DGKB: variants seen among roughly 807,000 people sequenced by gnomAD.
DGKB encodes 90 kDa diacylglycerol kinase.
In DGKB, 67 loss-of-function variants were observed where a neutral mutation model predicts 114.3. The ratio of observed to expected loss-of-function variants is 0.59; its 90% CI spans 0.48 to 0.72. The LOEUF (loss-of-function observed/expected upper bound fraction) is 0.72, where lower values mean the gene tolerates loss of function less well. Ranked by LOEUF, DGKB falls within the 30% of genes least tolerant of loss-of-function variation. The probability of loss-of-function intolerance (pLI) is 0.00; values close to 1 mark genes in which losing one functional copy is unlikely to be tolerated. For synonymous variants in DGKB, 398 were observed against 323.1 expected, an observed-to-expected ratio of 1.23 and a Z score of -2.49; for missense variants, 907 against 975.2, an observed-to-expected ratio of 0.93 and a Z score of 0.93.
intron 17 of DGKB, among the ~76,000 whole-genome samples, chr7:14,591,327 G>A (rs930004935): frequency 3.3e-5 from 5 of 152,104 alleles, no homozygotes; most frequent in African/African-American, 1.2e-4. Context: ...ATTTTGCAAT[G>A]AAATCATGCT....
intron 23 of DGKB, among the ~76,000 whole-genome samples, chr7:14,289,417 A>C (rs1250868840): frequency 6.6e-6 from 1 of 152,204 alleles, no homozygotes; most frequent in Non-Finnish European, 1.5e-5. Flanking sequence ...TTTCTGAACA[A>C]TAATAACATA....
intron 20 of DGKB, among the ~76,000 whole-genome samples, chr7:14,569,245 C>T (rs1798024759): frequency 6.6e-6 from 1 of 152,008 alleles, no homozygotes; most frequent in Non-Finnish European, 1.5e-5. Context: ...TCTCTTTATC[C>T]CCCTAATCCC....
intron 20 of DGKB, among the ~76,000 whole-genome samples, chr7:14,534,728 G>T (rs1792145696): frequency 6.6e-6 from 1 of 152,008 alleles, no homozygotes; most frequent in African/African-American, 2.4e-5. Context: ...AAATACAAGA[G>T]ACAAAAAGTA....
chr7:14,656,545 T>C (rs1014539755), intron 13 of DGKB, among the ~76,000 whole-genome samples: 89 of 151,616 alleles, frequency 5.9e-4, no homozygotes, highest in African/African-American at 2.1e-3. Flanking sequence ...AACTTCCCAA[T>C]TGTTCATATA....
chr7:14,506,254 G>T (rs1318927989), intron 20 of DGKB, among the ~76,000 whole-genome samples: 2 of 152,056 alleles, frequency 1.3e-5, no homozygotes, highest in Non-Finnish European at 2.9e-5. Flanking sequence ...CCCACATAAA[G>T]GATGTTGTCT....
intron 6 of DGKB, among the ~76,000 whole-genome samples, chr7:14,703,274 T>G (rs946354937): frequency 6.6e-6 from 1 of 152,190 alleles, no homozygotes; most frequent in Non-Finnish European, 1.5e-5. Context: ...CTGTTAACCC[T>G]TACTGGAGTA....
At chr7:14,855,987 G>GTA (rs3036251) in intron 1 of DGKB, among the ~76,000 whole-genome samples, 13,416 of 143,620 alleles carry the variant, frequency 0.093, 883 homozygotes, top group East Asian at 0.28. Context: ...TAGATAATGT[G>GTA]TATATATATA....
chr7:14,779,380 T>C (rs1838730344), intron 2 of DGKB, among the ~76,000 whole-genome samples: 1 of 151,776 alleles, frequency 6.6e-6, no homozygotes, highest in Non-Finnish European at 1.5e-5. Context: ...TATAAAAAAA[T>C]ACAAAAATTA....
chr7:14,671,498 A>G (rs1818956743), intron 13 of DGKB, among the ~76,000 whole-genome samples: 1 of 152,208 alleles, frequency 6.6e-6, no homozygotes, highest in Admixed American at 6.5e-5. Context: ...ATTTTTCAAG[A>G]TTGTTCAAAG....
chr7:14,715,157 CAA>C (rs1827990830), intron 6 of DGKB, among the ~76,000 whole-genome samples: 1 of 151,974 alleles, frequency 6.6e-6, no homozygotes. Flanking sequence ...CATTATAAAT[CAA>C]GAGTCAAGGT....
chr7:14,730,226 T>A (rs1369073156), intron 5 of DGKB, among the ~76,000 whole-genome samples: 1 of 152,220 alleles, frequency 6.6e-6, no homozygotes, highest in Non-Finnish European at 1.5e-5. Flanking sequence ...TAAAGAAAGG[T>A]AATTTCTCTG....
At chr7:14,165,604 A>G (rs1784507723) in intron 25 of DGKB, among the ~76,000 whole-genome samples, 1 of 152,220 alleles carries the variant, frequency 6.6e-6, no homozygotes, top group Non-Finnish European at 1.5e-5. Context: ...AAATTAAGAT[A>G]TAAGCACATA....
intron 2 of DGKB, among the ~76,000 whole-genome samples, chr7:14,784,879 T>A (rs114147365): frequency 2.9e-3 from 436 of 152,244 alleles, no homozygotes; most frequent in African/African-American, 9.9e-3. Context: ...CTTCTTGTGA[T>A]CCCTACAATA....
intron 23 of DGKB, among the ~76,000 whole-genome samples, chr7:14,311,783 C>T (rs189148831): frequency 0.01 from 1,524 of 152,210 alleles, 27 homozygotes; most frequent in African/African-American, 0.035. Context: ...CAATTTTTTA[C>T]AATGTTTCCG....
rs145433286 is a variant in DGKB at position 14,642,937 on chromosome 7, T to C, written c.1135-12669A>G. ...GCTTTTAATACATTGTAATCTCTCT[T>C]TGGATAATGCTCATGTATGGCTATA... is the stretch of plus-strand genomic sequence containing the variant. On this transcript the variant is annotated intron_variant, in intron 13 of 25. Transcript: ENST00000402815. Among the ~76,000 whole-genome samples the C allele has an allele frequency of 6.9e-3, 1,046 of 152,300 alleles. 6 individuals are homozygous for C. The highest frequency in any genetic ancestry group is 0.023 in the African/African-American group (973 of 41,558).
rs538539514 is a variant in DGKB at position 14,704,112 on chromosome 7, C to T, written c.467-2382G>A. Among the ~76,000 whole-genome samples, 25 of 152,042 alleles carry T rather than the reference C, an allele frequency of 1.6e-4. No individual in the cohort carries two copies. The East Asian group carries it at 4.7e-3, about 28-fold the overall frequency. On this transcript the variant is annotated intron_variant, in intron 6 of 25. Transcript: ENST00000402815. ...CATTATCTTGACTTCTACATCTTTTCTTTTGAATTGAATTGAATATAACAT... is the reference window on the plus strand; with the variant it reads ...CATTATCTTGACTTCTACATCTTTTTTTTTGAATTGAATTGAATATAACAT...
At chr7:14,683,204 T>C (rs898704169) in intron 10 of DGKB, among the ~76,000 whole-genome samples, 30 of 152,168 alleles carry the variant, frequency 2.0e-4, no homozygotes, top group Non-Finnish European at 3.7e-4. Flanking sequence ...AAGAGATCTA[T>C]ATTTTACAAA....
chr7:14,776,042 G>C (rs149875546), intron 2 of DGKB, among the ~76,000 whole-genome samples: 1 of 152,112 alleles, frequency 6.6e-6, no homozygotes, highest in Non-Finnish European at 1.5e-5. Flanking sequence ...AGTCCAAGCT[G>C]AGGTGGTCTC....
At chr7:14,576,750 C>T (rs1012471190) in intron 19 of DGKB, among the ~76,000 whole-genome samples, 1 of 152,098 alleles carries the variant, frequency 6.6e-6, no homozygotes, top group Non-Finnish European at 1.5e-5. Context: ...TAGTGAAAAT[C>T]AATTACCACA....
Sources: allele counts gnomAD v4.1 joint callset (sites outside exome capture counted in the v4.1 genomes callset), GRCh38; gene constraint gnomAD v4.1.1; transcripts MANE v1.5; gene names NCBI Gene and HGNC (gene_info 2026-07-23, HGNC 2026-07-21).